GRIA4: variants seen among roughly 807,000 people sequenced by gnomAD.
GRIA4 encodes glutamate ionotropic receptor AMPA type subunit 4.
Under a neutral mutation model 104.0 loss-of-function variants are expected in GRIA4, and 34 were observed. That is an observed-to-expected ratio of 0.33 (90% CI 0.25 to 0.44). GRIA4 has a LOEUF of 0.44. Ranked by LOEUF, GRIA4 falls within the 20% of genes least tolerant of loss-of-function variation. GRIA4 has a pLI of 1.00. For synonymous variants in GRIA4, 386 were observed against 381.9 expected, an observed-to-expected ratio of 1.01 and a Z score of -0.13; for missense variants, 750 against 1,096.5, an observed-to-expected ratio of 0.68 and a Z score of 4.46.
intron 3 of GRIA4, among the ~76,000 whole-genome samples, chr11:105,721,259 T>C (rs940945525): frequency 2.0e-5 from 3 of 152,128 alleles, no homozygotes; most frequent in Admixed American, 1.3e-4. Flanking sequence ...AGAGGGATAA[T>C]ATTTCAGTTT....
chr11:105,718,751 C>G (rs914800055), intron 3 of GRIA4, among the ~76,000 whole-genome samples: 1 of 152,224 alleles, frequency 6.6e-6, no homozygotes, highest in Non-Finnish European at 1.5e-5. Context: ...TGGATACTCA[C>G]GGAAGGAGAG....
intron 14 of GRIA4, among the ~76,000 whole-genome samples, chr11:105,953,367 T>C (rs1325133700): frequency 1.3e-5 from 2 of 152,200 alleles, no homozygotes; most frequent in South Asian, 2.1e-4. Context: ...CTTTTTTGCT[T>C]ACTTGCTCCA....
rs916484459 is a variant in GRIA4, at chr11:105,855,887, A to G, written c.488-6137A>G. On this transcript the variant is annotated intron_variant, in intron 4 of 16. Transcript: ENST00000282499. ...TGATGAAGGAGGTGGCTGCAAGGAT[A>G]GTTTTCATCAGAAGTCAACTGACAC... Among the ~76,000 whole-genome samples, 7 of 152,152 alleles carry G rather than the reference A, an allele frequency of 4.6e-5. No homozygotes were observed. In the East Asian group the frequency reaches 1.4e-3, roughly 29 times the overall value.
At chr11:105,652,880 G>A (rs1591506096) in intron 3 of GRIA4, among the ~76,000 whole-genome samples, 1 of 152,016 alleles carries the variant, frequency 6.6e-6, no homozygotes, top group East Asian at 1.9e-4. Flanking sequence ...CTAGATCTTA[G>A]GAACCTCGGC....
At chr11:105,895,252 C>CGTTGTGTGTGTGT (rs1555040928) in intron 6 of GRIA4, among the ~76,000 whole-genome samples, 13 of 148,864 alleles carry the variant, frequency 8.7e-5, no homozygotes, top group Admixed American at 7.4e-4. Context: ...CGAGCTCATG[C>CGTTGTGTGTGTGT]GTGTGTGTGT....
At chr11:105,854,184 G>T (rs1253036389) in intron 4 of GRIA4, among the ~76,000 whole-genome samples, 1 of 152,106 alleles carries the variant, frequency 6.6e-6, no homozygotes, top group Non-Finnish European at 1.5e-5. Flanking sequence ...AAAATCTAGA[G>T]TATATTAGGT....
At chr11:105,909,810 T>TA (rs1306872881) in intron 9 of GRIA4, among the ~76,000 whole-genome samples, 2 of 152,044 alleles carry the variant, frequency 1.3e-5, no homozygotes, top group Middle Eastern at 3.4e-3. Context: ...GACTTCTAAA[T>TA]AAAAAAAATT....
intron 4 of GRIA4, among the ~76,000 whole-genome samples, chr11:105,826,401 A>T (rs1454072196): frequency 2.0e-5 from 3 of 152,056 alleles, no homozygotes; most frequent in Non-Finnish European, 4.4e-5. Flanking sequence ...TGCCTCATCT[A>T]TGGTTTCCAA....
At chr11:105,817,713 C>T (rs573494266) in intron 4 of GRIA4, among the ~76,000 whole-genome samples, 33 of 151,956 alleles carry the variant, frequency 2.2e-4, no homozygotes, top group Admixed American at 1.3e-3. Flanking sequence ...TACAGAATAT[C>T]GTACATTATA....
At chr11:105,942,178 T>C (rs986020068) in intron 14 of GRIA4, among the ~76,000 whole-genome samples, 2 of 151,892 alleles carry the variant, frequency 1.3e-5, no homozygotes, top group African/African-American at 4.8e-5. Flanking sequence ...CAGAGGTAAA[T>C]AGAATTGAAT....
At chr11:105,729,267 T>C (rs911471728) in intron 3 of GRIA4, among the ~76,000 whole-genome samples, 4 of 148,960 alleles carry the variant, frequency 2.7e-5, no homozygotes, top group Admixed American at 6.6e-5. Flanking sequence ...AATGGATAAA[T>C]TACTGAATAT....
chr11:105,882,925 A>G (rs1946116014), intron 5 of GRIA4, among the ~76,000 whole-genome samples: 1 of 152,198 alleles, frequency 6.6e-6, no homozygotes, highest in Non-Finnish European at 1.5e-5. Flanking sequence ...AAGATTGGTT[A>G]TGCCATAATT....
chr11:105,702,700 T>G (rs989225009), intron 3 of GRIA4, among the ~76,000 whole-genome samples: 10 of 140,696 alleles, frequency 7.1e-5, no homozygotes, highest in African/African-American at 2.4e-4. Flanking sequence ...CTTTCTTTTT[T>G]TTTTTTTTTT....
intron 4 of GRIA4, among the ~76,000 whole-genome samples, chr11:105,794,615 T>TAG (rs987085631): frequency 4.2e-5 from 6 of 142,816 alleles, no homozygotes; most frequent in Non-Finnish European, 7.6e-5. Context: ...TATATATATA[T>TAG]AGAGAGAGAG....
At chr11:105,812,873 G>A (rs1053242126) in intron 4 of GRIA4, among the ~76,000 whole-genome samples, 5 of 152,018 alleles carry the variant, frequency 3.3e-5, no homozygotes, top group Non-Finnish European at 7.4e-5. Flanking sequence ...AGGCCAAGGC[G>A]GGCGGATCAC....
chr11:105,673,079 C>A, intron 3 of GRIA4, among the ~76,000 whole-genome samples: 1 of 152,048 alleles, frequency 6.6e-6, no homozygotes, highest in East Asian at 1.9e-4. Context: ...CCAGATGTGG[C>A]TGAAAAAGTC....
intron 4 of GRIA4, among the ~76,000 whole-genome samples, chr11:105,827,752 C>T (rs1206482204): frequency 6.6e-6 from 1 of 151,840 alleles, no homozygotes; most frequent in Non-Finnish European, 1.5e-5. Flanking sequence ...AATGGGGATA[C>T]CAAATAGGGA....
chr11:105,835,771 T>C (rs923408274), intron 4 of GRIA4, among the ~76,000 whole-genome samples: 1 of 151,816 alleles, frequency 6.6e-6, no homozygotes, highest in African/African-American at 2.4e-5. Flanking sequence ...GTTAAGAGAG[T>C]GATGTCATTA....
At chr11:105,781,848 C>T (rs1941743751) in intron 4 of GRIA4, among the ~76,000 whole-genome samples, 3 of 152,104 alleles carry the variant, frequency 2.0e-5, no homozygotes, top group Non-Finnish European at 4.4e-5. Flanking sequence ...TAAAAAGAGG[C>T]ATTTATTTCT....
Sources: gnomAD v4.1 joint callset for allele counts (sites outside exome capture counted in the v4.1 genomes callset) on GRCh38, gnomAD v4.1.1 for gene constraint, MANE v1.5 for transcripts, NCBI Gene and HGNC (gene_info 2026-07-23, HGNC 2026-07-21) for gene names.